The following GSG1L variants were observed in gnomAD, a reference collection of about 807,000 sequenced individuals.
GSG1L encodes germ cell-specific gene 1-like protein.
In GSG1L, 24 loss-of-function variants were observed where a neutral mutation model predicts 42.1. That is an observed-to-expected ratio of 0.57 (90% CI 0.41 to 0.80). The LOEUF is 0.80. Among genes scored for constraint, GSG1L ranks in the 30% least tolerant of loss-of-function variants. The pLI, the probability that GSG1L is intolerant of heterozygous loss-of-function variation, is 0.00. For missense variants in GSG1L, 445 were observed against 472.2 expected (o/e 0.94, Z 0.53); for synonymous variants, 215 against 203.5 (o/e 1.06, Z -0.48).
At chr16:27,918,930 G>A (rs776005081) in intron 2 of GSG1L, among the ~76,000 whole-genome samples, 7 of 152,088 alleles carry the variant, frequency 4.6e-5, no homozygotes, top group African/African-American at 1.4e-4. Flanking sequence ...CTTTACCCAG[G>A]GCAGACATTG....
intron 5 of GSG1L, among the ~76,000 whole-genome samples, chr16:27,827,856 T>TTCCATCCA (rs72231743): frequency 1.2e-4 from 15 of 128,274 alleles, no homozygotes; most frequent in African/African-American, 2.9e-4. Context: ...CCACTCACCA[T>TTCCATCCA]TCCATCCATC....
intron 6 of GSG1L, among the ~76,000 whole-genome samples, chr16:27,803,151 C>T (rs1356046): frequency 0.022 from 3,420 of 152,106 alleles, 129 homozygotes; most frequent in African/African-American, 0.078. Flanking sequence ...TAGGTCCCTC[C>T]TCTCCCCCGG....
In GSG1L at chr16:27,925,089, T is replaced by C. The variant is rs77795231; in HGVS notation, c.397+38067A>G. On this transcript the variant is annotated intron_variant, in intron 2 of 6. Transcript: ENST00000447459. Reference sequence around the variant, plus strand: ...CAGGTAAACAGAACCAAATTCCTTCTGGAGGAAGGAGAGTAGGGTGGACAG... The same window carrying C: ...CAGGTAAACAGAACCAAATTCCTTCCGGAGGAAGGAGAGTAGGGTGGACAG... Among the ~76,000 whole-genome samples the C allele has an allele frequency of 4.2e-4, 64 of 152,306 alleles. 4 individuals are homozygous for C. In the East Asian group the frequency reaches 0.012, roughly 29 times the overall value.
intron 1 of GSG1L, among the ~76,000 whole-genome samples, chr16:28,001,149 C>G (rs1309207157): frequency 6.6e-6 from 1 of 152,226 alleles, no homozygotes; most frequent in African/African-American, 2.4e-5. Flanking sequence ...AAACCACTGG[C>G]TGGTTAGCCA....
chr16:27,884,558 G>A lies in GSG1L; in HGVS notation c.478C>T (p.Leu160Phe), dbSNP rs2141024527. The change falls in exon 3 of 7, where the codon CTC becomes TTC. Residue 160 changes from leucine to phenylalanine, a missense_variant. Physicochemically the swap from Leu to Phe is conservative, Grantham distance 22. Around this residue, in one of 3 missense-constraint regions of GSG1L, gnomAD observed 149 missense variants for 223.3 expected, o/e 0.67. Coordinates refer to ENST00000447459, the MANE Select transcript of GSG1L (RefSeq NM_001109763.2). The surrounding 1 kb of genome is among the most constrained non-coding windows in gnomAD (Gnocchi z 4.4). Reference protein sequence around the residue: ...VVGFSLMCLELFHSSNVIDGL... With the variant: ...VVGFSLMCLEFFHSSNVIDGL... ...TCGATGACATTGCTGGAGTGGAAGA[G>A]CTCGAGACACATGAGGCTGAAGCCA... 2 of 1,613,792 alleles carry A rather than the reference G, an allele frequency of 1.2e-6. No homozygotes were observed. The highest frequency in any genetic ancestry group is 1.3e-5 in the African/African-American group (1 of 75,032).
At chr16:27,887,874 T>A (rs987152021) in intron 2 of GSG1L, among the ~76,000 whole-genome samples, 13 of 152,164 alleles carry the variant, frequency 8.5e-5, no homozygotes, top group Admixed American at 3.3e-4. Flanking sequence ...AAGAGAATAA[T>A]GTGCTCTTGG....
intron 1 of GSG1L, among the ~76,000 whole-genome samples, chr16:28,026,925 T>C (rs2085906990): frequency 6.6e-6 from 1 of 151,944 alleles, no homozygotes; most frequent in South Asian, 2.1e-4. Context: ...CTACTAAAAA[T>C]ACAAAAATTA....
chr16:28,062,836 G>A (rs2086358118), intron 1 of GSG1L, among the ~76,000 whole-genome samples: 1 of 152,170 alleles, frequency 6.6e-6, no homozygotes, highest in African/African-American at 2.4e-5. Context: ...TCCGCAGCGG[G>A]TAGGAGCTCT....
At chr16:27,996,870 C>T (rs564532767) in intron 1 of GSG1L, among the ~76,000 whole-genome samples, 1 of 152,358 alleles carries the variant, frequency 6.6e-6, no homozygotes, top group South Asian at 2.1e-4. Context: ...AATCAATTCT[C>T]CTGCCTCAGC....
At chr16:27,845,089 T>A in intron 3 of GSG1L, 28 bp from the exon 4 acceptor site, 1 of 1,514,172 alleles carries the variant, frequency 6.6e-7, no homozygotes, top group Non-Finnish European at 9.1e-7. Context: ...GAGCAAAGCG[T>A]CAGGAAGTAA....
Position 27,888,474 on chromosome 16 carries a change from C to T in GSG1L, c.398-3836G>A, listed in dbSNP as rs866608227. The stretch of plus-strand genomic sequence containing the variant: ...TTTCTTTCTTTCTTTCTCTCTCTCT[C>T]TCTCTTTCCTTTCTTTCTTTCTTTC... On this transcript the variant is annotated intron_variant, in intron 2 of 6. Coordinates refer to ENST00000447459, the MANE Select transcript of GSG1L (RefSeq NM_001109763.2). 3.3e-3 allele frequency among the ~76,000 whole-genome samples: 137 copies of T among 42,048 alleles called. 8 individuals carry two copies. Among genetic ancestry groups the T allele is most frequent in the Middle Eastern group, 0.013 (1 of 80 alleles). The allele number at this position is 42,048 out of a possible 152,430, so 27.6% of individuals were successfully genotyped here.
intron 1 of GSG1L, among the ~76,000 whole-genome samples, chr16:27,983,778 T>G (rs375798035): frequency 6.6e-6 from 1 of 151,722 alleles, no homozygotes; most frequent in Admixed American, 6.6e-5. Flanking sequence ...TACTGGGGAG[T>G]TTTTTTGGAG....
chr16:27,796,377 G>A (rs890878442), intron 6 of GSG1L, among the ~76,000 whole-genome samples: 7 of 152,208 alleles, frequency 4.6e-5, no homozygotes, highest in African/African-American at 7.2e-5. Context: ...CACTCTCATC[G>A]CTCTTCTAGG....
At position 27,870,041 on chromosome 16, in the gene GSG1L, TTCTC is replaced by T. The variant is rs1219290833; in HGVS notation, c.550+14441_550+14444del. 4.5e-5 allele frequency among the ~76,000 whole-genome samples: 6 copies of T among 133,140 alleles called. 1 individual carries two copies. The highest frequency in any genetic ancestry group is 2.6e-4 in the East Asian group (1 of 3,908). 87.3% of individuals were successfully genotyped at this position (133,140 alleles called of 152,430 possible). A position where few individuals can be genotyped will look rare whatever the true frequency, so the allele number is the denominator to read the frequency against. On this transcript the variant is annotated intron_variant, in intron 3 of 6. Transcript: ENST00000447459. ...TGTCTCCCTCCATCTCTCTGTCTCC[TTCTC>T]TCTCTCTGTCTCTGCCTCTCTCCAT... is the stretch of plus-strand genomic sequence containing the variant.
chr16:27,909,357 T>TTTCTTCCTTTCTTTC (rs1327317920), intron 2 of GSG1L, among the ~76,000 whole-genome samples: 2 of 150,772 alleles, frequency 1.3e-5, no homozygotes, highest in Non-Finnish European at 2.9e-5. Flanking sequence ...TTCTTTCTTT[T>TTTCTTCCTTTCTTTC]TTCTTTCTTT....
intron 4 of GSG1L, among the ~76,000 whole-genome samples, chr16:27,835,105 T>G (rs2083310044): frequency 6.6e-6 from 1 of 152,170 alleles, no homozygotes; most frequent in Non-Finnish European, 1.5e-5. Context: ...AAAGCCATAT[T>G]GAAATCTCTA....
intron 2 of GSG1L, among the ~76,000 whole-genome samples, chr16:27,961,656 C>G (rs2141106530): frequency 6.6e-6 from 1 of 152,314 alleles, no homozygotes; most frequent in South Asian, 2.1e-4. Flanking sequence ...CAACAAATAT[C>G]AGCCATGCAG....
At chr16:27,978,364 C>T (rs1425189601) in intron 1 of GSG1L, among the ~76,000 whole-genome samples, 2 of 152,152 alleles carry the variant, frequency 1.3e-5, no homozygotes, top group Non-Finnish European at 2.9e-5. Flanking sequence ...TGGTTAAAAG[C>T]TGGGCTCTGG....
At chr16:28,062,774 C>T (rs1274756675) in intron 1 of GSG1L, among the ~76,000 whole-genome samples, 2 of 152,132 alleles carry the variant, frequency 1.3e-5, no homozygotes, top group Non-Finnish European at 2.9e-5. Context: ...CGACCGGCAG[C>T]GGGGGTGGGC....
Sources: allele counts gnomAD v4.1 joint callset (sites outside exome capture counted in the v4.1 genomes callset), GRCh38; gene constraint gnomAD v4.1.1; regional missense constraint gnomAD v4.1.1; non-coding constraint Gnocchi (gnomAD v3.1); transcripts MANE v1.5; gene names NCBI Gene and HGNC (gene_info 2026-07-23, HGNC 2026-07-21).